Variants in SLC12A5 observed in about 807,000 individuals in gnomAD.
The protein encoded by SLC12A5 is solute carrier family 12 member 5, also known as K-Cl cotransporter 2.
A neutral mutation model predicts 124.0 loss-of-function variants in SLC12A5; 18 were observed. The observed-to-expected ratio is 0.15, with a 90% CI of 0.10 to 0.22. SLC12A5 has a LOEUF of 0.22. SLC12A5 is among the 10% of genes least tolerant of loss of function. SLC12A5 has a pLI of 1.00. For synonymous variants in SLC12A5, 589 were observed against 568.0 expected (o/e 1.04, Z -0.53); for missense variants, 867 against 1,478.7 (o/e 0.59, Z 6.78).
rs906387280 is a variant in SLC12A5 at position 46,057,431 on chromosome 20, G to A, written c.3260-83G>A. 1.2e-6 allele frequency: 2 copies of A among 1,601,092 alleles called. No individual in the cohort carries two copies. The highest frequency in any genetic ancestry group is 2.2e-5 in the East Asian group (1 of 44,782). On this transcript the variant is annotated intron_variant, in intron 25 of 25. Transcript: ENST00000243964. This position sits in a 1 kb window ranked among gnomAD's most constrained non-coding sequence, Gnocchi z 7.1. The stretch of plus-strand genomic sequence containing the variant: ...GCACCTCGGACAGGGACACGGGCGC[G>A]AGAGGTCCCCTGGCAGCCGAGCGCG...
rs575659140 is a variant in SLC12A5 at position 46,056,855 on chromosome 20, C to T, written c.3111-42C>T. The T allele has an allele frequency of 1.2e-6, 2 of 1,601,758 alleles. No homozygotes were observed. Among genetic ancestry groups the T allele is most frequent in the South Asian group, 1.1e-5 (1 of 90,822 alleles). ...GTGTCTTCCTCTTTTTCTGACTCTG[C>T]TCTTTTTCTTTCTCTCTTTGCATCT... On this transcript the variant is annotated intron_variant, in intron 23 of 25. Coordinates refer to ENST00000243964, the MANE Select transcript of SLC12A5 (RefSeq NM_020708.5). The surrounding 1 kb of genome is among the most constrained non-coding windows in gnomAD (Gnocchi z 4.3).
rs2084590388 is a variant in SLC12A5 at position 46,045,854 on chromosome 20, C to T, written c.1570-24C>T. The T allele has an allele frequency of 1.2e-6, 2 of 1,600,866 alleles. No individual in the cohort carries two copies. The highest frequency in any genetic ancestry group is 2.2e-5 in the East Asian group (1 of 44,806). ...CTGAGAAATCCTTGAGGTCTCAGTC[C>T]CATGATGATTGCTCTTTCCCCAGGT... On this transcript the variant is annotated intron_variant, in intron 12 of 25. Transcript: ENST00000243964. This position sits in a 1 kb window ranked among gnomAD's most constrained non-coding sequence, Gnocchi z 4.9.
chr20:46,026,641 A>G (rs1487542958), upstream of SLC12A5, among the ~76,000 whole-genome samples: 1 of 152,234 alleles, frequency 6.6e-6, no homozygotes, highest in African/African-American at 2.4e-5. Context: ...ATAGAGCACT[A>G]AGAGTTTTCA....
Position 46,056,748 on chromosome 20 carries a change from C to G in SLC12A5, c.3111-149C>G. 1 of 1,116,150 alleles carries G rather than the reference C, an allele frequency of 9.0e-7. No individual in the cohort carries two copies. Among genetic ancestry groups the G allele is most frequent in the Non-Finnish European group, 1.3e-6 (1 of 755,944 alleles). 69.1% of individuals were successfully genotyped at this position (1,116,150 alleles called of 1,614,324 possible). A position where few individuals can be genotyped will look rare whatever the true frequency, so the allele number is the denominator to read the frequency against. Reference sequence around the variant, plus strand: ...CCCCATTGCTAAGTCTCAGAATTCCCAGTTGCAGGCAGCGGAAAGGTGAAG... The same window carrying G: ...CCCCATTGCTAAGTCTCAGAATTCCGAGTTGCAGGCAGCGGAAAGGTGAAG... On this transcript the variant is annotated intron_variant, in intron 23 of 25. Transcript: ENST00000243964. This position sits in a 1 kb window ranked among gnomAD's most constrained non-coding sequence, Gnocchi z 4.3.
At position 46,057,456 on chromosome 20, in the gene SLC12A5, G is replaced by T; in HGVS notation, c.3260-58G>T. On this transcript the variant is annotated intron_variant, in intron 25 of 25. Coordinates refer to ENST00000243964, the MANE Select transcript of SLC12A5 (RefSeq NM_020708.5). This position sits in a 1 kb window ranked among gnomAD's most constrained non-coding sequence, Gnocchi z 7.1. ...GAGAGGTCCCCTGGCAGCCGAGCGC[G>T]ACCCCAATTTCGTCGGGAGGGAAGG... 4 of 1,606,544 alleles carry T rather than the reference G, an allele frequency of 2.5e-6. No homozygotes were observed. Among genetic ancestry groups the T allele is most frequent in the South Asian group, 2.2e-5 (2 of 90,898 alleles).
chr20:46,038,588 C>T (rs2084517989), intron 6 of SLC12A5, among the ~76,000 whole-genome samples: 1 of 152,178 alleles, frequency 6.6e-6, no homozygotes, highest in African/African-American at 2.4e-5. Context: ...CAGAGCCTTA[C>T]ACAAGTGATG....
chr20:46,037,406 G>A (rs1338967633), intron 6 of SLC12A5, 21 bp downstream of exon 6: 1 of 1,596,476 alleles, frequency 6.3e-7, no homozygotes, highest in African/African-American at 1.3e-5. Context: ...CTGAGGAGGA[G>A]GTGTGGAACC....
Position 46,053,444 on chromosome 20 carries a change from C to T in SLC12A5, c.2548-134C>T. ...GTTTTGTAGAGAGTGGCCCCAAAGACAGAGGATTTGGGGTCTGCATGTATG... is the reference window on the plus strand; with the variant it reads ...GTTTTGTAGAGAGTGGCCCCAAAGATAGAGGATTTGGGGTCTGCATGTATG... On this transcript the variant is annotated intron_variant, in intron 19 of 25. Transcript: ENST00000243964. This position sits in a 1 kb window ranked among gnomAD's most constrained non-coding sequence, Gnocchi z 4.7. 1 of 1,261,390 alleles carries T rather than the reference C, an allele frequency of 7.9e-7. No homozygotes were observed. The highest frequency in any genetic ancestry group is 1.4e-5 in the South Asian group (1 of 72,514). The allele number at this position is 1,261,390 out of a possible 1,614,324, so 78.1% of individuals were successfully genotyped here.
Position 46,035,401 on chromosome 20 carries a change from T to C in SLC12A5, c.148-3T>C, listed in dbSNP as rs375875921. ...TCCTAGCACTGACACCCTCCCTCCA[T>C]AGGAGGAGATGGACACCAGCCCTAT... On this transcript the variant is annotated splice_region_variant and splice_polypyrimidine_tract_variant and intron_variant, in intron 2 of 25. Transcript: ENST00000243964. The C allele has an allele frequency of 7.4e-6, 12 of 1,611,052 alleles. No individual in the cohort carries two copies. The highest frequency in any genetic ancestry group is 1.7e-4 in the Middle Eastern group (1 of 5,940).
In SLC12A5 at chr20:46,059,108, G is replaced by A. The variant is rs1477999517; in HGVS notation, c.*1503G>A. On this transcript the variant is annotated 3_prime_UTR_variant, in exon 26 of 26. Transcript: ENST00000243964. ...GCGGTGGCCGGGTTCCCTTCCCCTA[G>A]GGCACATTACTAAGGGGGTCAGGCA... 4.4e-6 allele frequency: 1 copy of A among 226,536 alleles called. No individual in the cohort carries two copies. Among genetic ancestry groups the A allele is most frequent in the Non-Finnish European group, 8.5e-6 (1 of 117,730 alleles). 14.0% of individuals were successfully genotyped at this position (226,536 alleles called of 1,614,324 possible).
rs62215578 is a variant in SLC12A5, at chr20:46,040,959, C to T, written c.854+345C>T. ...ACAACCTCCTGGAATGGGACAATCT[C>T]CTAGTGTTGGACAACTCCTCCAGGA... On this transcript the variant is annotated intron_variant, in intron 7 of 25. Coordinates refer to ENST00000243964, the MANE Select transcript of SLC12A5 (RefSeq NM_020708.5). 8.9e-3 allele frequency: 3,647 copies of T among 408,180 alleles called. 31 individuals are homozygous for T. The highest frequency in any genetic ancestry group is 0.013 in the Non-Finnish European group (2,871 of 222,902). The allele number at this position is 408,180 out of a possible 1,614,324, so 25.3% of individuals were successfully genotyped here.
In SLC12A5 at chr20:46,045,988, C is replaced by T. The variant is rs752463505; in HGVS notation, c.1680C>T (p.Ile560=). 1.5e-5 allele frequency: 24 copies of T among 1,613,838 alleles called. No homozygotes were observed. Among genetic ancestry groups the T allele is most frequent in the Admixed American group, 1.2e-4 (7 of 59,992 alleles). The stretch of plus-strand genomic sequence containing the variant: ...CATCCCTCGACGAGGTGGCCCCCAT[C>T]CTCTCTATGTGCGTGCCTGACTTCT... ...LIASLDEVAP[I]LSMFFLMCYM... The change falls in exon 13 of 26, where the codon ATC becomes ATT. Residue 560 remains isoleucine (I), a synonymous_variant. Coordinates refer to ENST00000243964, the MANE Select transcript of SLC12A5 (RefSeq NM_020708.5). This position sits in a 1 kb window ranked among gnomAD's most constrained non-coding sequence, Gnocchi z 4.9.
chr20:46,023,974 G>T (rs2084376510), downstream of SLC12A5, among the ~76,000 whole-genome samples: 1 of 152,218 alleles, frequency 6.6e-6, no homozygotes, highest in South Asian at 2.1e-4. Flanking sequence ...CCTGGCTTAG[G>T]AATAAGACGG....
At chr20:46,048,467 C>T (rs941073988) in intron 16 of SLC12A5, among the ~76,000 whole-genome samples, 1 of 152,202 alleles carries the variant, frequency 6.6e-6, no homozygotes, top group Non-Finnish European at 1.5e-5. Flanking sequence ...GACAGACAAA[C>T]ATCAGATCAT....
At position 46,056,650 on chromosome 20, in the gene SLC12A5, C is replaced by T; in HGVS notation, c.3110+86C>T. 7.1e-7 allele frequency: 1 copy of T among 1,410,252 alleles called. No individual in the cohort carries two copies. 87.4% of individuals were successfully genotyped at this position (1,410,252 alleles called of 1,614,324 possible). A position where few individuals can be genotyped will look rare whatever the true frequency, so the allele number is the denominator to read the frequency against. ...GGCAGAGCAAGAGAGCAGAAGGCAT[C>T]CTGGTCTGTCAGCCTGCAGACCCAG... On this transcript the variant is annotated intron_variant, in intron 23 of 25. Coordinates refer to ENST00000243964, the MANE Select transcript of SLC12A5 (RefSeq NM_020708.5). The surrounding 1 kb of genome is among the most constrained non-coding windows in gnomAD (Gnocchi z 4.3).
intron 8 of SLC12A5, among the ~76,000 whole-genome samples, chr20:46,042,532 C>T (rs979229704): frequency 2.6e-5 from 4 of 151,678 alleles, no homozygotes; most frequent in Non-Finnish European, 5.9e-5. Flanking sequence ...GTTGTCAAAA[C>T]TGGAGGGGTG....
At chr20:46,046,130 A>G (rs2084593282) in intron 13 of SLC12A5, 134 bp downstream of exon 13, 2 of 900,418 alleles carry the variant, frequency 2.2e-6, no homozygotes, top group African/African-American at 1.7e-5. Context: ...ATAGAAGCCC[A>G]TCGTTTGTTA....
upstream of SLC12A5, among the ~76,000 whole-genome samples, chr20:46,024,801 T>C (rs953622779): frequency 1.3e-5 from 2 of 152,208 alleles, no homozygotes; most frequent in Non-Finnish European, 2.9e-5. Flanking sequence ...TCATGGGAGA[T>C]TGATGGTGAC....
Position 46,049,602 on chromosome 20 carries a change from T to C in SLC12A5, c.2013-20T>C. On this transcript the variant is annotated intron_variant, in intron 16 of 25. Coordinates refer to ENST00000243964, the MANE Select transcript of SLC12A5 (RefSeq NM_020708.5). ...TTGGTTACATGGTATATGGATTATG[T>C]GACTCTGCACACTCTTCAGGCCACA... 6.3e-7 allele frequency: 1 copy of C among 1,589,790 alleles called. No homozygotes were observed. The highest frequency in any genetic ancestry group is 8.6e-7 in the Non-Finnish European group (1 of 1,168,322).
Sources: allele counts gnomAD v4.1 joint callset (sites outside exome capture counted in the v4.1 genomes callset), GRCh38; gene constraint gnomAD v4.1.1; non-coding constraint Gnocchi (gnomAD v3.1); transcripts MANE v1.5; gene names NCBI Gene and HGNC (gene_info 2026-07-23, HGNC 2026-07-21).